The following TMPRSS15 variants were observed in gnomAD, a reference collection of about 807,000 sequenced individuals.
The protein encoded by TMPRSS15 is enteropeptidase.
A neutral mutation model predicts 125.3 loss-of-function variants in TMPRSS15; 128 were observed. The ratio of observed to expected loss-of-function variants is 1.02; its 90% CI spans 0.89 to 1.18. TMPRSS15 has a LOEUF of 1.18. Ranked by LOEUF, TMPRSS15 falls within the 50% of genes most tolerant of loss-of-function variation. The probability of loss-of-function intolerance (pLI) is 0.00; values close to 1 mark genes in which losing one functional copy is unlikely to be tolerated. For missense variants in TMPRSS15, 1,283 were observed against 1,212.7 expected, an observed-to-expected ratio of 1.06 and a Z score of -0.86; for synonymous variants, 446 against 423.2, an observed-to-expected ratio of 1.05 and a Z score of -0.66.
chr21:18,301,194 G>T (rs1005015986), intron 18 of TMPRSS15, among the ~76,000 whole-genome samples: 4 of 152,102 alleles, frequency 2.6e-5, no homozygotes, highest in African/African-American at 9.7e-5. Context: ...TCATACCAAT[G>T]TTTCTCCAGA....
chr21:18,468,493 A>G (rs1846073070), intron 1 of TMPRSS15, among the ~76,000 whole-genome samples: 1 of 152,060 alleles, frequency 6.6e-6, no homozygotes, highest in African/African-American at 2.4e-5. Context: ...TGGTGCATAA[A>G]CAGAAGAGAG....
chr21:18,377,220 A>G (rs1244999982), intron 5 of TMPRSS15, among the ~76,000 whole-genome samples: 1 of 152,196 alleles, frequency 6.6e-6, no homozygotes, highest in Non-Finnish European at 1.5e-5. Context: ...AGGTAATCCA[A>G]TACAGTCTCT....
intron 13 of TMPRSS15, 27 bp downstream of exon 13, chr21:18,341,386 G>T: frequency 6.2e-7 from 1 of 1,613,898 alleles, no homozygotes. Context: ...GATTTAATAA[G>T]ACAAAATACA....
Position 18,294,195 on chromosome 21 carries a change from T to G in TMPRSS15, c.2486+75A>C, listed in dbSNP as rs1262146617. On this transcript the variant is annotated intron_variant, in intron 21 of 24. Transcript: ENST00000284885. The stretch of plus-strand genomic sequence containing the variant: ...CCCTGGTGGGATGGTTTTGTGATGC[T>G]GCATGAAATGGGACGCTTGGCAGTG... 1.1e-4 allele frequency: 172 copies of G among 1,565,186 alleles called. No homozygotes were observed. The East Asian group carries it at 3.6e-3, about 33-fold the overall frequency.
At chr21:18,410,029 G>A (rs1236658866) in intron 1 of TMPRSS15, among the ~76,000 whole-genome samples, 4 of 148,334 alleles carry the variant, frequency 2.7e-5, no homozygotes, top group Non-Finnish European at 5.9e-5. Flanking sequence ...TCCTACCTGT[G>A]TTATTTTTCA....
chr21:18,347,937 T>C (rs74951730), intron 10 of TMPRSS15, among the ~76,000 whole-genome samples: 2,406 of 152,194 alleles, frequency 0.016, 62 homozygotes, highest in African/African-American at 0.055. Context: ...GAGGCCACCT[T>C]ATACTAATAA....
chr21:18,455,202 G>A (rs961924187), intron 1 of TMPRSS15, among the ~76,000 whole-genome samples: 8 of 152,072 alleles, frequency 5.3e-5, no homozygotes, highest in African/African-American at 1.9e-4. Flanking sequence ...AGCCATGTGG[G>A]ACTATTAGTC....
chr21:18,274,774 GA>G (rs758075505), intron 24 of TMPRSS15, among the ~76,000 whole-genome samples: 5 of 152,188 alleles, frequency 3.3e-5, no homozygotes, highest in Admixed American at 1.3e-4. Context: ...ATTCAGGGTT[GA>G]AATTTAGAGG....
intron 13 of TMPRSS15, among the ~76,000 whole-genome samples, chr21:18,332,860 T>C (rs1396205985): frequency 4.6e-5 from 7 of 152,184 alleles, no homozygotes; most frequent in Non-Finnish European, 8.8e-5. Context: ...CCATCAATGA[T>C]AGACTGACTA....
chr21:18,441,319 CAA>C (rs2076240927), intron 1 of TMPRSS15, among the ~76,000 whole-genome samples: 2 of 132,728 alleles, frequency 1.5e-5, no homozygotes, highest in African/African-American at 5.8e-5. Context: ...ACCAAAAAAA[CAA>C]AGAGACCGGG....
rs1165295098 is a variant in TMPRSS15 at position 18,269,834 on chromosome 21, G to T, written c.*135C>A. 1.9e-6 allele frequency: 2 copies of T among 1,071,656 alleles called. No individual in the cohort carries two copies. The highest frequency in any genetic ancestry group is 1.6e-5 in the African/African-American group (1 of 62,048). 66.4% of individuals were successfully genotyped at this position (1,071,656 alleles called of 1,614,324 possible). A position where few individuals can be genotyped will look rare whatever the true frequency, so the allele number is the denominator to read the frequency against. The stretch of plus-strand genomic sequence containing the variant: ...AAAATTTTGTTTCCCTGGCCCCCTA[G>T]CATTTCATTGACATAGGTAAGAATA... On this transcript the variant is annotated 3_prime_UTR_variant, in exon 25 of 25. Transcript: ENST00000284885.
chr21:18,463,593 G>C (rs1317921907), intron 1 of TMPRSS15, among the ~76,000 whole-genome samples: 1 of 152,078 alleles, frequency 6.6e-6, no homozygotes, highest in Non-Finnish European at 1.5e-5. Flanking sequence ...TCAGGACCTA[G>C]CAGACCTAAT....
chr21:18,426,939 A>G (rs918789674), intron 1 of TMPRSS15, among the ~76,000 whole-genome samples: 1 of 152,230 alleles, frequency 6.6e-6, no homozygotes, highest in Non-Finnish European at 1.5e-5. Flanking sequence ...TATGAAACAA[A>G]CACATAAAGG....
chr21:18,320,330 C>T (rs890997283), intron 16 of TMPRSS15, among the ~76,000 whole-genome samples: 5 of 151,990 alleles, frequency 3.3e-5, no homozygotes, highest in Non-Finnish European at 5.9e-5. Flanking sequence ...GAATGTTAGT[C>T]ACCACCCTTT....
chr21:18,432,254 C>G (rs1199370544), intron 1 of TMPRSS15, among the ~76,000 whole-genome samples: 1 of 152,134 alleles, frequency 6.6e-6, no homozygotes, highest in Non-Finnish European at 1.5e-5. Flanking sequence ...TAATACTTCT[C>G]TGAACTCTTC....
intron 18 of TMPRSS15, among the ~76,000 whole-genome samples, chr21:18,310,380 A>T (rs1403614757): frequency 6.6e-6 from 1 of 152,140 alleles, no homozygotes; most frequent in Non-Finnish European, 1.5e-5. Context: ...CAAAATAAAC[A>T]AAACAAAATC....
At chr21:18,334,879 CA>C (rs1472494816) in intron 13 of TMPRSS15, among the ~76,000 whole-genome samples, 9 of 151,830 alleles carry the variant, frequency 5.9e-5, no homozygotes, top group Non-Finnish European at 8.8e-5. Flanking sequence ...ACGTACATAA[CA>C]AAAAAAGGAG....
intron 1 of TMPRSS15, among the ~76,000 whole-genome samples, chr21:18,415,617 T>C (rs2076177980): frequency 6.6e-6 from 1 of 152,116 alleles, no homozygotes. Flanking sequence ...TATACTTCCT[T>C]ACCCATTGTG....
At chr21:18,279,080 C>T in intron 22 of TMPRSS15, 21 bp from the exon 23 acceptor site, 1 of 1,216,282 alleles carries the variant, frequency 8.2e-7, no homozygotes, top group Non-Finnish European at 1.2e-6. Flanking sequence ...AAGCAAACAG[C>T]AAAACGAACA....
Sources: gnomAD v4.1 joint callset for allele counts (sites outside exome capture counted in the v4.1 genomes callset) on GRCh38, gnomAD v4.1.1 for gene constraint, MANE v1.5 for transcripts, NCBI Gene and HGNC (gene_info 2026-07-23, HGNC 2026-07-21) for gene names.